PI4K2B: variants seen among roughly 807,000 people sequenced by gnomAD.
The protein encoded by PI4K2B is phosphatidylinositol 4-kinase type 2-beta.
Under a neutral mutation model 56.6 loss-of-function variants are expected in PI4K2B, and 46 were observed. That is an observed-to-expected ratio of 0.81 (90% confidence interval 0.64 to 1.04). The LOEUF is 1.04. PI4K2B is among the 50% of genes least tolerant of loss of function. The probability of loss-of-function intolerance (pLI) is 0.00; values close to 1 mark genes in which losing one functional copy is unlikely to be tolerated. For missense variants in PI4K2B, 556 were observed against 607.7 expected (o/e 0.91, Z 0.89); for synonymous variants, 211 against 223.8 (o/e 0.94, Z 0.51).
chr4:25,246,658 G>T (rs1422022891), intron 1 of PI4K2B, among the ~76,000 whole-genome samples: 2 of 152,216 alleles, frequency 1.3e-5, no homozygotes, highest in African/African-American at 4.8e-5. Flanking sequence ...ATGGGACCAG[G>T]CACCATGGAG....
chr4:25,257,998 G>C (rs28367880), intron 4 of PI4K2B, among the ~76,000 whole-genome samples: 4,881 of 152,164 alleles, frequency 0.032, 108 homozygotes, highest in African/African-American at 0.069. Context: ...AGGGTTACCT[G>C]TTACCTGTTT....
Position 25,234,327 on chromosome 4 carries a change from A to T in PI4K2B, c.164A>T (p.Glu55Val). 1 of 1,411,124 alleles carries T rather than the reference A, an allele frequency of 7.1e-7. No individual in the cohort carries two copies. Among genetic ancestry groups the T allele is most frequent in the Non-Finnish European group, 9.3e-7 (1 of 1,079,636 alleles). The allele number at this position is 1,411,124 out of a possible 1,614,324, so 87.4% of individuals were successfully genotyped here. The change falls in exon 1 of 10, where the codon GAG becomes GTG. Residue 55 changes from glutamate to valine, a missense_variant. Coordinates refer to ENST00000264864, the MANE Select transcript of PI4K2B (RefSeq NM_018323.4). Reference sequence around the variant, plus strand: ...GTGAGGCTGCTGGACGCTGCCGGGGAGGAGGGCGAGGCCGGCGACGAGGAG... The same window carrying T: ...GTGAGGCTGCTGGACGCTGCCGGGGTGGAGGGCGAGGCCGGCGACGAGGAG... ...SAVRLLDAAGEEGEAGDEELP... is the reference protein window; with the variant it reads ...SAVRLLDAAGVEGEAGDEELP...
chr4:25,250,434 A>G (rs989345600), intron 1 of PI4K2B: 1 of 152,246 alleles, frequency 6.6e-6, no homozygotes, highest in African/African-American at 2.4e-5. Flanking sequence ...AACATATACC[A>G]GGGCCTTTCA....
intron 1 of PI4K2B, among the ~76,000 whole-genome samples, chr4:25,244,261 T>G (rs1020543943): frequency 6.6e-6 from 1 of 152,128 alleles, no homozygotes; most frequent in Non-Finnish European, 1.5e-5. Context: ...TGGAGATTTT[T>G]TTGCTTATTT....
At chr4:25,235,030 C>T (rs1715193292) in intron 1 of PI4K2B, among the ~76,000 whole-genome samples, 1 of 152,216 alleles carries the variant, frequency 6.6e-6, no homozygotes, top group Non-Finnish European at 1.5e-5. Context: ...AACGAAAAAC[C>T]TCTTTTCGCT....
At chr4:25,275,289 A>G (rs1430472419) in intron 9 of PI4K2B, among the ~76,000 whole-genome samples, 2 of 152,212 alleles carry the variant, frequency 1.3e-5, no homozygotes, top group Non-Finnish European at 2.9e-5. Flanking sequence ...TTTTATATTC[A>G]TGGTAGGAAC....
intron 2 of PI4K2B, chr4:25,254,487 C>T (rs1212410271): frequency 1.2e-5 from 2 of 169,604 alleles, no homozygotes; most frequent in Admixed American, 1.3e-4. Flanking sequence ...GATCTCCGCT[C>T]ACTGCAAGCT....
chr4:25,262,118 A>T (rs1237029544), intron 6 of PI4K2B, among the ~76,000 whole-genome samples: 2 of 151,736 alleles, frequency 1.3e-5, no homozygotes, highest in Admixed American at 6.6e-5. Flanking sequence ...ACAAAGAATT[A>T]AAAAAAAATC....
intron 1 of PI4K2B, among the ~76,000 whole-genome samples, chr4:25,247,860 T>A (rs1476489533): frequency 1.3e-5 from 2 of 152,138 alleles, no homozygotes; most frequent in African/African-American, 4.8e-5. Flanking sequence ...CATGCCACTA[T>A]ACCCAGCTAA....
At chr4:25,234,911 GTTA>G (rs777832177) in intron 1 of PI4K2B, among the ~76,000 whole-genome samples, 5 of 152,318 alleles carry the variant, frequency 3.3e-5, no homozygotes, top group South Asian at 4.1e-4. Context: ...ATTAAATGTT[GTTA>G]TTATGAAGTT....
rs1044522118 is a variant in PI4K2B, at chr4:25,234,040, C to T, written c.-124C>T. 13 of 857,188 alleles carry T rather than the reference C, an allele frequency of 1.5e-5. No individual in the cohort carries two copies. In the East Asian group the frequency reaches 3.7e-4, roughly 24 times the overall value. 53.1% of individuals were successfully genotyped at this position (857,188 alleles called of 1,614,324 possible). A position where few individuals can be genotyped will look rare whatever the true frequency, so the allele number is the denominator to read the frequency against. On this transcript the variant is annotated 5_prime_UTR_variant, in exon 1 of 10. Coordinates refer to ENST00000264864, the MANE Select transcript of PI4K2B (RefSeq NM_018323.4). ...AACCGCTGGGCGGGCGCCAAGCGTG[C>T]CCGTGCGCTGGTGAGGTGGCGTCCG...
intron 1 of PI4K2B, among the ~76,000 whole-genome samples, chr4:25,245,920 C>A (rs1239561607): frequency 6.6e-6 from 1 of 152,060 alleles, no homozygotes; most frequent in Non-Finnish European, 1.5e-5. Flanking sequence ...CAAAATGTGT[C>A]CGGAATTGGT....
At position 25,256,679 on chromosome 4, in the gene PI4K2B, G is replaced by A. The variant is rs769079423; in HGVS notation, c.756+5G>A. The A allele has an allele frequency of 6.2e-7, 1 of 1,612,636 alleles. No homozygotes were observed. The highest frequency in any genetic ancestry group is 8.5e-7 in the Non-Finnish European group (1 of 1,179,372). Reference sequence around the variant, plus strand: ...AGGATAGGACTCCCTCCTAAGGTAAGTTTCTCTGATAAGCTGTATTTAGAG... The same window carrying A: ...AGGATAGGACTCCCTCCTAAGGTAAATTTCTCTGATAAGCTGTATTTAGAG... On this transcript the variant is annotated splice_donor_5th_base_variant and intron_variant, in intron 4 of 9. Transcript: ENST00000264864.
At position 25,274,644 on chromosome 4, in the gene PI4K2B, CAGTA is replaced by C. The variant is rs370830697; in HGVS notation, c.1273-2366_1273-2363del. ...TCTTCTCCCCAACACCGTGAGTGCT[CAGTA>C]AGTGTTTCCTTAGTAAATAAATGCA... is the stretch of plus-strand genomic sequence containing the variant. On this transcript the variant is annotated intron_variant, in intron 9 of 9. Coordinates refer to ENST00000264864, the MANE Select transcript of PI4K2B (RefSeq NM_018323.4). Among the ~76,000 whole-genome samples, 14 of 152,248 alleles carry C rather than the reference CAGTA, an allele frequency of 9.2e-5. No individual in the cohort carries two copies. In the East Asian group the frequency reaches 9.6e-4, roughly 10 times the overall value.
chr4:25,266,721 A>G (rs73096414), intron 7 of PI4K2B, among the ~76,000 whole-genome samples: 1,926 of 152,280 alleles, frequency 0.013, 41 homozygotes, highest in African/African-American at 0.043. Context: ...GGTAGTGGGG[A>G]TATAGTTTTT....
intron 1 of PI4K2B, among the ~76,000 whole-genome samples, chr4:25,241,037 G>C (rs749882564): frequency 9.2e-5 from 14 of 152,172 alleles, no homozygotes; most frequent in Non-Finnish European, 1.5e-4. Flanking sequence ...GGCAGTGTAA[G>C]ACTGCCACCC....
chr4:25,240,755 A>T (rs1577675941), intron 1 of PI4K2B, among the ~76,000 whole-genome samples: 1 of 151,354 alleles, frequency 6.6e-6, no homozygotes. Flanking sequence ...TTTCTCTTTG[A>T]TTTCTTTGTC....
intron 1 of PI4K2B, among the ~76,000 whole-genome samples, chr4:25,247,552 T>C (rs933069465): frequency 6.6e-6 from 1 of 152,104 alleles, no homozygotes; most frequent in Non-Finnish European, 1.5e-5. Context: ...TGTGCTTGGA[T>C]GGGGAAAGTT....
intron 1 of PI4K2B, among the ~76,000 whole-genome samples, chr4:25,249,708 C>T (rs1320596175): frequency 4.0e-5 from 6 of 151,800 alleles, no homozygotes; most frequent in African/African-American, 7.2e-5. Context: ...GGGTGGCGGC[C>T]GGGCAGAGGC....
Sources: gnomAD v4.1 joint callset for allele counts (sites outside exome capture counted in the v4.1 genomes callset) on GRCh38, gnomAD v4.1.1 for gene constraint, MANE v1.5 for transcripts, NCBI Gene and HGNC (gene_info 2026-07-23, HGNC 2026-07-21) for gene names.